The following KCNQ1 variants were observed in gnomAD, a reference collection of about 807,000 sequenced individuals.
KCNQ1 encodes the protein potassium voltage-gated channel subfamily Q member 1.
A neutral mutation model predicts 72.4 loss-of-function variants in KCNQ1; 49 were observed. The ratio of observed to expected loss-of-function variants is 0.68; its 90% confidence interval spans 0.54 to 0.86. The LOEUF (loss-of-function observed/expected upper bound fraction) is 0.86. Ranked by LOEUF, KCNQ1 falls within the 40% of genes least tolerant of loss-of-function variation. KCNQ1 has a pLI of 0.00. For missense variants in KCNQ1, 790 were observed against 945.1 expected (o/e 0.84, Z 2.15); for synonymous variants, 450 against 412.6 (o/e 1.09, Z -1.10).
At chr11:2,540,381 CA>C (rs144844578) in intron 2 of KCNQ1, among the ~76,000 whole-genome samples, 1,868 of 152,350 alleles carry the variant, frequency 0.012, 35 homozygotes, top group African/African-American at 0.042. Flanking sequence ...GGTGCGGCCT[CA>C]CGGGGTCAGG....
intron 1 of KCNQ1, among the ~76,000 whole-genome samples, chr11:2,470,799 C>A (rs1846439205): frequency 6.6e-6 from 1 of 152,142 alleles, no homozygotes; most frequent in South Asian, 2.1e-4. Flanking sequence ...CTCAGCCTCC[C>A]ATTCTCTTAA....
intron 10 of KCNQ1, among the ~76,000 whole-genome samples, chr11:2,606,874 A>ATTCACT (rs1848888182): frequency 3.3e-5 from 5 of 149,702 alleles, no homozygotes; most frequent in Admixed American, 3.3e-4. Context: ...TTCACTGTTA[A>ATTCACT]GTATGATATT....
intron 13 of KCNQ1, among the ~76,000 whole-genome samples, chr11:2,776,427 C>A (rs1270386110): frequency 6.6e-6 from 1 of 152,190 alleles, no homozygotes; most frequent in African/African-American, 2.4e-5. Flanking sequence ...TTCCCTGTCA[C>A]CTCTGAGCAA....
chr11:2,470,301 A>C (rs537590809), intron 1 of KCNQ1, among the ~76,000 whole-genome samples: 15 of 152,264 alleles, frequency 9.9e-5, no homozygotes, highest in African/African-American at 3.4e-4. Flanking sequence ...GGTGCGTAGG[A>C]GGTTTCATTC....
chr11:2,525,907 T>C (rs528959717), intron 1 of KCNQ1, among the ~76,000 whole-genome samples: 38 of 152,238 alleles, frequency 2.5e-4, no homozygotes, highest in African/African-American at 8.4e-4. Context: ...GCCCCACTCT[T>C]GGGGTGCTCA....
At chr11:2,843,072 G>T (rs927698233) in intron 15 of KCNQ1, among the ~76,000 whole-genome samples, 3 of 152,214 alleles carry the variant, frequency 2.0e-5, no homozygotes, top group Non-Finnish European at 4.4e-5. Flanking sequence ...AGTGTGGGGG[G>T]TTCTGAGGCC....
intron 8 of KCNQ1, among the ~76,000 whole-genome samples, chr11:2,587,182 T>G (rs1848603770): frequency 6.6e-6 from 1 of 152,152 alleles, no homozygotes; most frequent in Admixed American, 6.5e-5. Context: ...GTGTGGCCAC[T>G]GGTTGCCCAT....
rs16928624 is a variant in KCNQ1 at position 2,748,037 on chromosome 11, G to A, written c.1515-20807G>A. ...ACCACTCGGGCCTAGGGCTCTGCAAGCAATATCTGATTTTCAGAAAACCAT... is the reference window on the plus strand; with the variant it reads ...ACCACTCGGGCCTAGGGCTCTGCAAACAATATCTGATTTTCAGAAAACCAT... On this transcript the variant is annotated intron_variant, in intron 11 of 15. Coordinates refer to ENST00000155840, the MANE Select transcript of KCNQ1 (RefSeq NM_000218.3). This position sits in a 1 kb window ranked among gnomAD's most constrained non-coding sequence, Gnocchi z 6.2. Among the ~76,000 whole-genome samples, 3,620 of 152,286 alleles carry A rather than the reference G, an allele frequency of 0.024. 155 individuals are homozygous for A. The highest frequency in any genetic ancestry group is 0.082 in the African/African-American group (3,419 of 41,534).
rs1849815635 is a variant in KCNQ1 at position 2,654,860 on chromosome 11, G to A, written c.1394-7101G>A. On this transcript the variant is annotated intron_variant, in intron 10 of 15. Coordinates refer to ENST00000155840, the MANE Select transcript of KCNQ1 (RefSeq NM_000218.3). This position sits in a 1 kb window ranked among gnomAD's most constrained non-coding sequence, Gnocchi z 6.4. ...AGCCTCATGGGCAGCTCCAGGCCAGGTGGAGGGACATATTCTGGCAACTCT... is the reference window on the plus strand; with the variant it reads ...AGCCTCATGGGCAGCTCCAGGCCAGATGGAGGGACATATTCTGGCAACTCT... 2.5e-6 allele frequency: 1 copy of A among 398,528 alleles called. No individual in the cohort carries two copies. The highest frequency in any genetic ancestry group is 2.1e-5 in the African/African-American group (1 of 48,604). The allele number at this position is 398,528 out of a possible 1,614,324, so 24.7% of individuals were successfully genotyped here. A position where few individuals can be genotyped will look rare whatever the true frequency, so the allele number is the denominator to read the frequency against.
intron 12 of KCNQ1, among the ~76,000 whole-genome samples, chr11:2,770,529 C>T (rs1001632354): frequency 1.3e-5 from 2 of 152,254 alleles, no homozygotes; most frequent in Non-Finnish European, 2.9e-5. Context: ...GCACAGCCCT[C>T]CCACAGTGGT....
intron 11 of KCNQ1, among the ~76,000 whole-genome samples, chr11:2,738,993 C>T (rs1846003721): frequency 6.6e-6 from 1 of 152,174 alleles, no homozygotes; most frequent in African/African-American, 2.4e-5. Flanking sequence ...AGGTGGAGTC[C>T]AGGGGTCTGC....
rs978639203 is a variant in KCNQ1 at position 2,642,459 on chromosome 11, C to A, written c.1394-19502C>A. 5.0e-6 allele frequency: 2 copies of A among 397,786 alleles called. No homozygotes were observed. The highest frequency in any genetic ancestry group is 4.4e-5 in the Admixed American group (1 of 22,692). The allele number at this position is 397,786 out of a possible 1,614,324, so 24.6% of individuals were successfully genotyped here. On this transcript the variant is annotated intron_variant, in intron 10 of 15. Transcript: ENST00000155840. The surrounding 1 kb of genome is among the most constrained non-coding windows in gnomAD (Gnocchi z 4.3). ...GATTTTTAAATCCTGTAACTGTAAT[C>A]AATTTATTGATCAGACTGAAGAGTT...
chr11:2,466,778 AGCCTCCCTTG>A (rs1222615905), intron 1 of KCNQ1, among the ~76,000 whole-genome samples: 4 of 152,020 alleles, frequency 2.6e-5, no homozygotes, highest in South Asian at 4.1e-4. Context: ...CATGTTCCTT[AGCCTCCCTTG>A]GCCTCAGTCA....
At chr11:2,841,757 C>T (rs775919473) in intron 15 of KCNQ1, among the ~76,000 whole-genome samples, 1 of 152,200 alleles carries the variant, frequency 6.6e-6, no homozygotes, top group Non-Finnish European at 1.5e-5. Flanking sequence ...CCCCCACAGT[C>T]GTCAGCCAGG....
Position 2,609,674 on chromosome 11 carries a change from A to T in KCNQ1, c.1393+20820A>T, listed in dbSNP as rs1046643338. On this transcript the variant is annotated intron_variant, in intron 10 of 15. Transcript: ENST00000155840. ...GGCTATTTCTCTGTTCAGTTCTGTC[A>T]GTTTTTGCTTCTTATGTTTTAGTTC... 1.2e-4 allele frequency: 46 copies of T among 398,192 alleles called. No individual in the cohort carries two copies. Among genetic ancestry groups the T allele is most frequent in the Admixed American group, 1.3e-4 (3 of 22,710 alleles). 24.7% of individuals were successfully genotyped at this position (398,192 alleles called of 1,614,324 possible). A position where few individuals can be genotyped will look rare whatever the true frequency, so the allele number is the denominator to read the frequency against.
rs544469967 is a variant in KCNQ1 at position 2,601,963 on chromosome 11, A to G, written c.1393+13109A>G. 6.6e-6 allele frequency among the ~76,000 whole-genome samples: 1 copy of G among 152,318 alleles called. No homozygotes were observed. The highest frequency in any genetic ancestry group is 1.9e-4 in the East Asian group (1 of 5,180). ...CAAAGGGCACTCTGCAGATGTGTCAAATTAAGGACCTTGAGATGGAGAGAT... is the reference window on the plus strand; with the variant it reads ...CAAAGGGCACTCTGCAGATGTGTCAGATTAAGGACCTTGAGATGGAGAGAT... On this transcript the variant is annotated intron_variant, in intron 10 of 15. Transcript: ENST00000155840. This position sits in a 1 kb window ranked among gnomAD's most constrained non-coding sequence, Gnocchi z 5.2.
chr11:2,795,396 G>T (rs1234542612), intron 15 of KCNQ1, among the ~76,000 whole-genome samples: 2 of 152,232 alleles, frequency 1.3e-5, no homozygotes, highest in Non-Finnish European at 2.9e-5. Flanking sequence ...TTTCCCTAAA[G>T]GTGAAGTTCT....
At chr11:2,606,892 ATTTTTTTTTTTTTTT>A (rs869121696) in intron 10 of KCNQ1, among the ~76,000 whole-genome samples, 1 of 82,766 alleles carries the variant, frequency 1.2e-5, no homozygotes, top group Non-Finnish European at 2.2e-5. Context: ...ATTATCTGTG[ATTTTTTTTTTTTTTT>A]TTTTTTTTTT....
At position 2,731,396 on chromosome 11, in the gene KCNQ1, C is replaced by T. The variant is rs140872948; in HGVS notation, c.1515-37448C>T. On this transcript the variant is annotated intron_variant, in intron 11 of 15. Transcript: ENST00000155840. Reference sequence around the variant, plus strand: ...AGGCCTTGGTGAGTCTGGCACATTCCGGCTGTGTGTCAGCGGGAGAGGCCT... The same window carrying T: ...AGGCCTTGGTGAGTCTGGCACATTCTGGCTGTGTGTCAGCGGGAGAGGCCT... Among the ~76,000 whole-genome samples, 1,043 of 152,316 alleles carry T rather than the reference C, an allele frequency of 6.8e-3. 12 individuals carry two copies. The highest frequency in any genetic ancestry group is 0.022 in the African/African-American group (910 of 41,560).
Sources: allele counts gnomAD v4.1 joint callset (sites outside exome capture counted in the v4.1 genomes callset), GRCh38; gene constraint gnomAD v4.1.1; non-coding constraint Gnocchi (gnomAD v3.1); transcripts MANE v1.5; gene names NCBI Gene and HGNC (gene_info 2026-07-23, HGNC 2026-07-21).